Variants in PPP1R3A observed in about 807,000 individuals in gnomAD.
The protein encoded by PPP1R3A is RG1.
Under a neutral mutation model 41.7 loss-of-function variants are expected in PPP1R3A, and 29 were observed. The ratio of observed to expected loss-of-function variants is 0.70; its 90% CI spans 0.52 to 0.95. The LOEUF (loss-of-function observed/expected upper bound fraction) is 0.95. Ranked by LOEUF, PPP1R3A falls within the 40% of genes least tolerant of loss-of-function variation. The pLI is 0.00. For synonymous variants in PPP1R3A, 485 were observed against 453.4 expected (o/e 1.07, Z -0.89); for missense variants, 1,352 against 1,292.4 (o/e 1.05, Z -0.71).
At position 113,877,709 on chromosome 7, in the gene PPP1R3A, T is replaced by C; in HGVS notation, c.*14A>G. 6.5e-7 allele frequency: 1 copy of C among 1,530,800 alleles called. No homozygotes were observed. Among genetic ancestry groups the C allele is most frequent in the Non-Finnish European group, 8.7e-7 (1 of 1,143,440 alleles). 94.8% of individuals were successfully genotyped at this position (1,530,800 alleles called of 1,614,324 possible). A position where few individuals can be genotyped will look rare whatever the true frequency, so the allele number is the denominator to read the frequency against. ...AAATAGCTTATCTTTTAAGAGAGAA[T>C]AGTAGTGCTGAGGTTACTTCTTTTT... On this transcript the variant is annotated 3_prime_UTR_variant, in exon 4 of 4. Transcript: ENST00000284601.
At position 113,878,856 on chromosome 7, in the gene PPP1R3A, C is replaced by A; in HGVS notation, c.2236G>T (p.Ala746Ser). 1 of 1,613,148 alleles carries A rather than the reference C, an allele frequency of 6.2e-7. No homozygotes were observed. Among genetic ancestry groups the A allele is most frequent in the Non-Finnish European group, 8.5e-7 (1 of 1,179,770 alleles). The change falls in exon 4 of 4, where the codon GCT becomes TCT. Residue 746 changes from alanine (A) to serine (S), a missense_variant. Ala to Ser is a moderately conservative substitution (Grantham distance 99). Transcript: ENST00000284601. ...TSESTPESMSAREKAIIAKLP... is the reference protein window; with the variant it reads ...TSESTPESMSSREKAIIAKLP... The stretch of plus-strand genomic sequence containing the variant: ...TTAGCAATTATTGCTTTTTCTCTAG[C>A]AGACATGCTTTCTGGAGTACTTTCT...
intron 1 of PPP1R3A, among the ~76,000 whole-genome samples, chr7:113,914,738 G>T (rs552786228): frequency 6.6e-6 from 1 of 151,980 alleles, no homozygotes; most frequent in Non-Finnish European, 1.5e-5. Context: ...TTACTTCACC[G>T]AAATCTCAAC....
intron 1 of PPP1R3A, among the ~76,000 whole-genome samples, chr7:113,896,869 GA>G (rs74575529): frequency 0.19 from 28,536 of 151,602 alleles, 3,811 homozygotes; most frequent in East Asian, 0.67. Flanking sequence ...GAAAAAATAT[GA>G]AAAAAACATA....
intron 1 of PPP1R3A, among the ~76,000 whole-genome samples, chr7:113,891,099 A>C (rs1413933286): frequency 4.0e-5 from 6 of 148,612 alleles, no homozygotes; most frequent in Non-Finnish European, 6.0e-5. Context: ...AAAAAAAAAA[A>C]AAAAAAAAAA....
chr7:113,907,245 A>G (rs1797162498), intron 1 of PPP1R3A, among the ~76,000 whole-genome samples: 1 of 151,818 alleles, frequency 6.6e-6, no homozygotes, highest in Admixed American at 6.6e-5. Context: ...AAGCCCTATT[A>G]CAATCACATT....
chr7:113,889,988 C>G (rs981720239), intron 1 of PPP1R3A, among the ~76,000 whole-genome samples: 2 of 151,824 alleles, frequency 1.3e-5, no homozygotes, highest in Non-Finnish European at 2.9e-5. Context: ...AGGACATGGC[C>G]TGTAAGCTGA....
intron 1 of PPP1R3A, among the ~76,000 whole-genome samples, chr7:113,890,188 T>C (rs1796856295): frequency 6.6e-6 from 1 of 152,138 alleles, no homozygotes; most frequent in Admixed American, 6.6e-5. Flanking sequence ...TCAACTAGCT[T>C]AAGAGGCACA....
At chr7:113,898,743 A>T (rs1206260825) in intron 1 of PPP1R3A, among the ~76,000 whole-genome samples, 3 of 151,774 alleles carry the variant, frequency 2.0e-5, no homozygotes, top group Non-Finnish European at 2.9e-5. Flanking sequence ...CCCTAGCCAT[A>T]CTTAAAGTGC....
intron 1 of PPP1R3A, among the ~76,000 whole-genome samples, chr7:113,897,567 A>G (rs1796997576): frequency 2.2e-3 from 2 of 898 alleles, no homozygotes; most frequent in Admixed American, 0.11. Context: ...TCTTAAAGGA[A>G]AAAAAAAAAA....
intron 1 of PPP1R3A, among the ~76,000 whole-genome samples, chr7:113,914,982 T>G (rs1797315102): frequency 6.6e-6 from 1 of 152,090 alleles, no homozygotes; most frequent in Non-Finnish European, 1.5e-5. Context: ...TCATTGATTT[T>G]AAAATAAAAC....
At chr7:113,889,184 A>G (rs1796836724) in intron 1 of PPP1R3A, among the ~76,000 whole-genome samples, 1 of 152,150 alleles carries the variant, frequency 6.6e-6, no homozygotes, top group Non-Finnish European at 1.5e-5. Flanking sequence ...CACTGGATTT[A>G]GCTGCTCCTC....
chr7:113,889,373 A>G (rs185812423), intron 1 of PPP1R3A, among the ~76,000 whole-genome samples: 6 of 152,324 alleles, frequency 3.9e-5, no homozygotes, highest in Admixed American at 3.3e-4. Flanking sequence ...TTGGAGATCT[A>G]AAAGGATGGA....
At chr7:113,900,748 TAC>T (rs1170771097) in intron 1 of PPP1R3A, among the ~76,000 whole-genome samples, 1 of 148,388 alleles carries the variant, frequency 6.7e-6, no homozygotes, top group Non-Finnish European at 1.5e-5. Flanking sequence ...TACTTGTATA[TAC>T]ACTTACATAA....
rs756530359 is a variant in PPP1R3A, at chr7:113,877,888, A to T, written c.3204T>A (p.Phe1068Leu). The T allele has an allele frequency of 2.5e-6, 4 of 1,612,572 alleles. No homozygotes were observed. The highest frequency in any genetic ancestry group is 3.4e-6 in the Non-Finnish European group (4 of 1,178,890). The change falls in exon 4 of 4, where the codon TTT becomes TTA. Residue 1068 changes from phenylalanine to leucine, a missense_variant. Transcript: ENST00000284601. ...ESQAQGNESL[F>L]SKYTNSKIPY... ...GTATTTTAGAGTTGGTATATTTTGA[A>T]AACAAAGATTCGTTGCCTTGAGCTT...
rs141887035 is a variant in PPP1R3A at position 113,911,007 on chromosome 7, A to G, written c.782+7208T>C. ...CATAAGACAACCATTACCTTACAAT[A>G]TTAAAATTCAATTCATAGTTGTGAC... is the stretch of plus-strand genomic sequence containing the variant. On this transcript the variant is annotated intron_variant, in intron 1 of 3. Coordinates refer to ENST00000284601, the MANE Select transcript of PPP1R3A (RefSeq NM_002711.4). 5.3e-5 allele frequency among the ~76,000 whole-genome samples: 8 copies of G among 152,268 alleles called. No individual in the cohort carries two copies. The East Asian group carries it at 1.4e-3, about 26-fold the overall frequency.
intron 3 of PPP1R3A, among the ~76,000 whole-genome samples, chr7:113,881,629 G>C (rs1395376827): frequency 6.6e-6 from 1 of 151,972 alleles, no homozygotes; most frequent in Non-Finnish European, 1.5e-5. Flanking sequence ...AAAAAATGCT[G>C]TTACATGTGA....
intron 1 of PPP1R3A, among the ~76,000 whole-genome samples, chr7:113,914,092 A>G (rs1562927178): frequency 6.6e-6 from 1 of 152,304 alleles, no homozygotes; most frequent in East Asian, 1.9e-4. Flanking sequence ...TTCAAGAGTC[A>G]GGACATTAGC....
intron 1 of PPP1R3A, among the ~76,000 whole-genome samples, chr7:113,895,383 T>G (rs1480136106): frequency 6.6e-6 from 1 of 151,922 alleles, no homozygotes; most frequent in Non-Finnish European, 1.5e-5. Context: ...CTAATAAAAT[T>G]AAAGCATGCC....
chr7:113,888,164 G>GCATA (rs1401859646), intron 1 of PPP1R3A, among the ~76,000 whole-genome samples: 1 of 152,174 alleles, frequency 6.6e-6, no homozygotes, highest in African/African-American at 2.4e-5. Context: ...AAAGGGCTTA[G>GCATA]CATAGCTGGC....
Sources: allele counts gnomAD v4.1 joint callset (sites outside exome capture counted in the v4.1 genomes callset), GRCh38; gene constraint gnomAD v4.1.1; transcripts MANE v1.5; gene names NCBI Gene and HGNC (gene_info 2026-07-23, HGNC 2026-07-21).